Variants in TSHZ2 observed in about 807,000 individuals in gnomAD.
TSHZ2 encodes teashirt homolog 2.
Under a neutral mutation model 74.4 loss-of-function variants are expected in TSHZ2, and 21 were observed. The ratio of observed to expected loss-of-function variants is 0.28; its 90% CI spans 0.20 to 0.41. TSHZ2 has a LOEUF of 0.41. Among genes scored for constraint, TSHZ2 ranks in the 10% least tolerant of loss-of-function variants. TSHZ2 has a pLI of 1.00. For missense variants in TSHZ2, 1,244 were observed against 1,293.5 expected, an observed-to-expected ratio of 0.96 and a Z score of 0.59; for synonymous variants, 540 against 515.3, an observed-to-expected ratio of 1.05 and a Z score of -0.65.
chr20:53,373,909 T>C (rs915943545), intron 2 of TSHZ2, among the ~76,000 whole-genome samples: 2 of 152,216 alleles, frequency 1.3e-5, no homozygotes, highest in African/African-American at 4.8e-5. Flanking sequence ...CCTTGGATTA[T>C]ATGACTGCTT....
intron 2 of TSHZ2, among the ~76,000 whole-genome samples, chr20:53,372,169 ACT>A (rs1981498131): frequency 6.6e-6 from 1 of 151,870 alleles, no homozygotes; most frequent in African/African-American, 2.4e-5. Context: ...TTTTGAGGTG[ACT>A]CTCTTCAGTC....
At chr20:53,428,171 G>T (rs1282305873) in intron 2 of TSHZ2, among the ~76,000 whole-genome samples, 1 of 152,188 alleles carries the variant, frequency 6.6e-6, no homozygotes, top group East Asian at 1.9e-4. Flanking sequence ...GGCTGGCCCA[G>T]GTCATGTGGA....
chr20:53,177,104 G>A (rs112855714), intron 1 of TSHZ2, among the ~76,000 whole-genome samples: 8 of 151,886 alleles, frequency 5.3e-5, no homozygotes, highest in African/African-American at 1.2e-4. Flanking sequence ...GGCTGGCCTC[G>A]AACTCCTGGC....
At chr20:53,134,703 CAT>C (rs1987197320) in intron 1 of TSHZ2, among the ~76,000 whole-genome samples, 1 of 152,312 alleles carries the variant, frequency 6.6e-6, no homozygotes, top group African/African-American at 2.4e-5. Flanking sequence ...TACGCACTCA[CAT>C]GTTACATAAT....
chr20:53,128,627 G>A (rs1418405120), intron 1 of TSHZ2, among the ~76,000 whole-genome samples: 2 of 151,460 alleles, frequency 1.3e-5, no homozygotes, highest in African/African-American at 4.9e-5. Flanking sequence ...ATGAGCAGGA[G>A]CACTTTTTTT....
chr20:53,300,267 T>C (rs1244246316), intron 2 of TSHZ2, among the ~76,000 whole-genome samples: 1 of 152,190 alleles, frequency 6.6e-6, no homozygotes, highest in Non-Finnish European at 1.5e-5. Context: ...TTAGGATGTA[T>C]TCAAGAGGCC....
chr20:53,089,484 C>A (rs1260764984), intron 1 of TSHZ2, among the ~76,000 whole-genome samples: 1 of 151,964 alleles, frequency 6.6e-6, no homozygotes, highest in Non-Finnish European at 1.5e-5. Flanking sequence ...ATTTATTCAA[C>A]AAAAACTTTA....
intron 1 of TSHZ2, among the ~76,000 whole-genome samples, chr20:53,249,282 G>T (rs760476355): frequency 6.6e-6 from 1 of 152,158 alleles, no homozygotes; most frequent in Non-Finnish European, 1.5e-5. Flanking sequence ...GTTTGCAGCT[G>T]GAATAATCCT....
intron 1 of TSHZ2, among the ~76,000 whole-genome samples, chr20:53,072,128 G>A (rs1434574243): frequency 6.6e-6 from 1 of 152,220 alleles, no homozygotes; most frequent in Non-Finnish European, 1.5e-5. Flanking sequence ...TCTGTGCTAT[G>A]CTGTAGTAGC....
At chr20:53,125,762 A>C (rs1986932365) in intron 1 of TSHZ2, among the ~76,000 whole-genome samples, 1 of 152,228 alleles carries the variant, frequency 6.6e-6, no homozygotes, top group Non-Finnish European at 1.5e-5. Flanking sequence ...ATTGTGATGC[A>C]GTTGTAGATG....
chr20:53,478,433 A>G (rs1029606429), intron 2 of TSHZ2, among the ~76,000 whole-genome samples: 5 of 149,142 alleles, frequency 3.4e-5, no homozygotes, highest in Admixed American at 2.0e-4. Context: ...AACACTGCAT[A>G]TTCTCACTCA....
chr20:53,318,680 A>G (rs551491697), intron 2 of TSHZ2, among the ~76,000 whole-genome samples: 2 of 152,286 alleles, frequency 1.3e-5, no homozygotes, highest in Non-Finnish European at 2.9e-5. Context: ...CTCAGCCTTT[A>G]CTGAACCCCA....
rs548719818 is a variant in TSHZ2 at position 53,293,808 on chromosome 20, G to A, written c.*8+37237G>A. Among the ~76,000 whole-genome samples, 6 of 152,064 alleles carry A rather than the reference G, an allele frequency of 3.9e-5. No homozygotes were observed. The East Asian group carries it at 1.2e-3, about 29-fold the overall frequency. ...CAAGGCTGGCAGATCACGAGGTCAG[G>A]AGATGGAGACCATCCTGGACAACAT... On this transcript the variant is annotated intron_variant, in intron 2 of 2. Transcript: ENST00000371497.
At chr20:53,449,525 TAGAC>T (rs2145778202) in intron 2 of TSHZ2, among the ~76,000 whole-genome samples, 1 of 152,306 alleles carries the variant, frequency 6.6e-6, no homozygotes, top group South Asian at 2.1e-4. Context: ...GTGGGTAAGA[TAGAC>T]AAATAAGTAA....
At position 53,200,774 on chromosome 20, in the gene TSHZ2, C is replaced by T. The variant is rs571484146; in HGVS notation, c.41-52725C>T. The stretch of plus-strand genomic sequence containing the variant: ...AAATAGTACTGGTTGTTTCTCAACA[C>T]AAATGAACAAACAAACAAGGAGAAT... On this transcript the variant is annotated intron_variant, in intron 1 of 2. Coordinates refer to ENST00000371497, the MANE Select transcript of TSHZ2 (RefSeq NM_173485.6). Among the ~76,000 whole-genome samples the T allele has an allele frequency of 2.0e-5, 3 of 152,088 alleles. No individual in the cohort carries two copies. In the South Asian group the frequency reaches 6.2e-4, roughly 32 times the overall value.
In TSHZ2 at chr20:53,420,847, T is replaced by C. The variant is rs574690139; in HGVS notation, c.*9-66297T>C. ...TACACCCCACTTTTGGAGTTTGTGT[T>C]ACCCATTAGCATAAAAAGGGACAGA... On this transcript the variant is annotated intron_variant, in intron 2 of 2. Transcript: ENST00000371497. Among the ~76,000 whole-genome samples, 3 of 152,324 alleles carry C rather than the reference T, an allele frequency of 2.0e-5. No homozygotes were observed. In the South Asian group the frequency reaches 6.2e-4, roughly 32 times the overall value.
Position 53,256,612 on chromosome 20 carries a change from G to A in TSHZ2, c.*8+41G>A. On this transcript the variant is annotated intron_variant, in intron 2 of 2. Coordinates refer to ENST00000371497, the MANE Select transcript of TSHZ2 (RefSeq NM_173485.6). The surrounding 1 kb of genome is among the most constrained non-coding windows in gnomAD (Gnocchi z 4.3). ...GAGGCATTGCGATTAGCCTGGTGAG[G>A]AGCTTTCTTACAGGGAGATGGGTCT... The A allele has an allele frequency of 6.6e-7, 1 of 1,521,850 alleles. No homozygotes were observed. Among genetic ancestry groups the A allele is most frequent in the Non-Finnish European group, 8.8e-7 (1 of 1,131,986 alleles). 94.3% of individuals were successfully genotyped at this position (1,521,850 alleles called of 1,614,324 possible).
intron 1 of TSHZ2, chr20:53,196,567 A>G (rs1002391441): frequency 6.6e-6 from 1 of 152,156 alleles, no homozygotes; most frequent in Non-Finnish European, 1.5e-5. Context: ...TTAAATTAAA[A>G]TAGTCCTGCT....
Position 53,253,916 on chromosome 20 carries a change from G to A in TSHZ2, c.458G>A (p.Arg153Lys). The change falls in exon 2 of 3, where the codon AGG becomes AAG. Residue 153 changes from arginine (R) to lysine (K), a missense_variant. Arg to Lys is a conservative substitution (Grantham distance 26). This residue lies in a region of TSHZ2 where 470 missense variants were observed against 456.5 expected (regional missense o/e 1.03). Transcript: ENST00000371497. ...LGFKLSNSER[R>K]NCDTRNGSNK... is the part of the protein sequence containing the mutation. ...TTCAAGCTGTCCAATAGTGAGAGGA[G>A]GAACTGTGACACCCGAAACGGCAGC... The A allele has an allele frequency of 6.2e-7, 1 of 1,614,170 alleles. No homozygotes were observed. The highest frequency in any genetic ancestry group is 1.3e-5 in the African/African-American group (1 of 75,040).
Sources: allele counts gnomAD v4.1 joint callset (sites outside exome capture counted in the v4.1 genomes callset), GRCh38; gene constraint gnomAD v4.1.1; regional missense constraint gnomAD v4.1.1; non-coding constraint Gnocchi (gnomAD v3.1); transcripts MANE v1.5; gene names NCBI Gene and HGNC (gene_info 2026-07-23, HGNC 2026-07-21).